The following PCDHGA2 variants were observed in gnomAD, a reference collection of about 807,000 sequenced individuals.
The protein encoded by PCDHGA2 is protocadherin gamma-A2.
PCDHGA2 carries 40 observed loss-of-function variants against 59.2 expected under a neutral mutation model. That is an observed-to-expected ratio of 0.68 (90% CI 0.52 to 0.88). The LOEUF (loss-of-function observed/expected upper bound fraction) is 0.88. Among genes scored for constraint, PCDHGA2 ranks in the 40% least tolerant of loss-of-function variants. The pLI is 0.00. For missense variants in PCDHGA2, 1,226 were observed against 1,204.0 expected (o/e 1.02, Z -0.27); for synonymous variants, 560 against 526.0 (o/e 1.06, Z -0.89).
At chr5:141,443,088 T>G (rs188899890) in intron 1 of PCDHGA2, among the ~76,000 whole-genome samples, 1 of 151,974 alleles carries the variant, frequency 6.6e-6, no homozygotes, top group African/African-American at 2.4e-5. Context: ...TGTTCCAGTC[T>G]CCTTCTCAAG....
intron 1 of PCDHGA2, chr5:141,366,176 C>G (rs1764373617): frequency 1.2e-6 from 2 of 1,613,926 alleles, no homozygotes; most frequent in Admixed American, 3.3e-5. Flanking sequence ...CGAGCCAGGA[C>G]TCTTTGCGGT....
chr5:141,418,938 C>G, intron 1 of PCDHGA2: 1 of 1,613,738 alleles, frequency 6.2e-7, no homozygotes, highest in Non-Finnish European at 8.5e-7. Flanking sequence ...ATGGAGGATT[C>G]CCCTCCAGGA....
chr5:141,344,582 T>C (rs756580240), intron 1 of PCDHGA2: 19 of 1,613,860 alleles, frequency 1.2e-5, no homozygotes, highest in Admixed American at 1.7e-5. Context: ...TGGCTGTGAA[T>C]AGCGTCTCTG....
chr5:141,432,172 CGTCTCTGTGACCGCCCACGACCCCGA>C lies in PCDHGA2; in HGVS notation c.2425-62634_2425-62609del. 6.2e-7 allele frequency: 1 copy of C among 1,614,152 alleles called. No individual in the cohort carries two copies. Among genetic ancestry groups the C allele is most frequent in the Non-Finnish European group, 8.5e-7 (1 of 1,180,038 alleles). ...AGAACAATCCCAGAGGAGTTTCCCT[CGTCTCTGTGACCGCCCACGACCCCGA>C]CTGTGAAGAGAACGCCCAGATCACT... On this transcript the variant is annotated intron_variant, in intron 1 of 3. Transcript: ENST00000394576. The surrounding 1 kb of genome is among the most constrained non-coding windows in gnomAD (Gnocchi z 6.0).
chr5:141,422,686 C>T, intron 1 of PCDHGA2: 1 of 1,605,000 alleles, frequency 6.2e-7, no homozygotes, highest in East Asian at 2.2e-5. Flanking sequence ...ACAGAATGCC[C>T]TGGTCACTTA....
intron 1 of PCDHGA2, chr5:141,427,862 C>T (rs748112227): frequency 2.6e-6 from 4 of 1,556,778 alleles, no homozygotes; most frequent in East Asian, 4.5e-5. Context: ...TGTGCGCCTT[C>T]GAGCTCACGA....
intron 1 of PCDHGA2, among the ~76,000 whole-genome samples, chr5:141,482,178 C>T (rs950570560): frequency 2.6e-5 from 4 of 151,968 alleles, no homozygotes; most frequent in African/African-American, 4.8e-5. Context: ...TAAGGCTTTA[C>T]GATGCTCCAG....
chr5:141,487,013 C>T lies in PCDHGA2; in HGVS notation c.2425-7794C>T. ...GGTTTCCTATCAGCTCCTGGAGGCC[C>T]CAGATCCCAGCCTGTTTGCAGTCTC... On this transcript the variant is annotated intron_variant, in intron 1 of 3. Coordinates refer to ENST00000394576, the MANE Select transcript of PCDHGA2 (RefSeq NM_018915.4). The surrounding 1 kb of genome is among the most constrained non-coding windows in gnomAD (Gnocchi z 5.0). The T allele has an allele frequency of 1.2e-6, 2 of 1,614,220 alleles. No individual in the cohort carries two copies. Among genetic ancestry groups the T allele is most frequent in the Non-Finnish European group, 1.7e-6 (2 of 1,180,040 alleles).
intron 1 of PCDHGA2, chr5:141,370,134 T>G: frequency 2.5e-6 from 1 of 405,930 alleles, no homozygotes; most frequent in Non-Finnish European, 4.3e-6. Context: ...TTGGAGCTGA[T>G]TTAGTCACCA....
At chr5:141,380,278 A>G (rs1443350334) in intron 1 of PCDHGA2, among the ~76,000 whole-genome samples, 3 of 152,216 alleles carry the variant, frequency 2.0e-5, no homozygotes, top group African/African-American at 7.2e-5. Context: ...TCAGAGGAGA[A>G]ACATTGGAAG....
intron 1 of PCDHGA2, among the ~76,000 whole-genome samples, chr5:141,451,134 T>C (rs567790185): frequency 9.9e-5 from 15 of 152,254 alleles, no homozygotes; most frequent in African/African-American, 3.6e-4. Context: ...AGCCTTATGA[T>C]TGTATTTAGA....
In PCDHGA2 at chr5:141,349,888, G is replaced by A. The variant is rs192768949; in HGVS notation, c.2424+8493G>A. Among the ~76,000 whole-genome samples the A allele has an allele frequency of 2.8e-3, 432 of 152,232 alleles. 1 individual carries two copies. Among genetic ancestry groups the A allele is most frequent in the Admixed American group, 0.021 (320 of 15,292 alleles). On this transcript the variant is annotated intron_variant, in intron 1 of 3. Transcript: ENST00000394576. ...GAAATGATGAAGGCCCTTATCTGAT[G>A]ATGACAAACTAGAAAACTGAAATGT...
chr5:141,496,478 G>A lies in PCDHGA2; in HGVS notation c.2483+1613G>A, dbSNP rs150992994. 7.2e-3 allele frequency among the ~76,000 whole-genome samples: 1,093 copies of A among 152,228 alleles called. 19 individuals are homozygous for A. The highest frequency in any genetic ancestry group is 0.025 in the African/African-American group (1,039 of 41,518). ...CCAAGAGTTATCTTTCCCCCATCCT[G>A]CAACCAACCAAACCCTTGTTGCCAC... is the stretch of plus-strand genomic sequence containing the variant. On this transcript the variant is annotated intron_variant, in intron 2 of 3. Transcript: ENST00000394576.
chr5:141,371,978 C>T, intron 1 of PCDHGA2: 3 of 1,613,240 alleles, frequency 1.9e-6, no homozygotes, highest in Non-Finnish European at 2.5e-6. Context: ...TGCGTGCCTT[C>T]GAGCTCACTC....
At chr5:141,449,280 C>G (rs934214922) in intron 1 of PCDHGA2, among the ~76,000 whole-genome samples, 1 of 151,944 alleles carries the variant, frequency 6.6e-6, no homozygotes, top group East Asian at 1.9e-4. Context: ...CTCCTTCACC[C>G]GGATGCACCG....
At position 141,347,786 on chromosome 5, in the gene PCDHGA2, C is replaced by CA. The variant is rs1186221035; in HGVS notation, c.2424+6406dup. ...GGGGCAATAGAGAGAGACTCCATCT[C>CA]AAAAAAAAAAAAAAAGTAGAGGCTG... On this transcript the variant is annotated intron_variant, in intron 1 of 3. Transcript: ENST00000394576. Among the ~76,000 whole-genome samples, 544 of 106,172 alleles carry CA rather than the reference C, an allele frequency of 5.1e-3. 4 individuals carry two copies. The highest frequency in any genetic ancestry group is 0.022 in the East Asian group (83 of 3,724). 69.7% of individuals were successfully genotyped at this position (106,172 alleles called of 152,430 possible). A position where few individuals can be genotyped will look rare whatever the true frequency, so the allele number is the denominator to read the frequency against.
chr5:141,473,850 G>A (rs1490458424), intron 1 of PCDHGA2, among the ~76,000 whole-genome samples: 1 of 152,184 alleles, frequency 6.6e-6, no homozygotes, highest in African/African-American at 2.4e-5. Flanking sequence ...TTAGGAAGAT[G>A]AACCTCGCTA....
chr5:141,413,441 T>A, intron 1 of PCDHGA2: 1 of 1,614,056 alleles, frequency 6.2e-7, no homozygotes, highest in South Asian at 1.1e-5. Context: ...GGCAGCTTGA[T>A]CACCGCGGGC....
chr5:141,421,871 C>CT, intron 1 of PCDHGA2: 1 of 1,613,756 alleles, frequency 6.2e-7, no homozygotes, highest in East Asian at 2.2e-5. Flanking sequence ...CTCCTCACAG[C>CT]TTTAGATGGA....
Sources: gnomAD v4.1 joint callset for allele counts (sites outside exome capture counted in the v4.1 genomes callset) on GRCh38, gnomAD v4.1.1 for gene constraint, Gnocchi (gnomAD v3.1) non-coding constraint, MANE v1.5 for transcripts, NCBI Gene and HGNC (gene_info 2026-07-23, HGNC 2026-07-21) for gene names.